Variants in TMEM272 observed in about 807,000 individuals in gnomAD.
The protein encoded by TMEM272 is long intergenic non-protein coding RNA 282.
In TMEM272, 8 loss-of-function variants were observed where a neutral mutation model predicts 3.7. The observed-to-expected ratio is 2.17, with a 90% CI of 1.27 to 3.91. The LOEUF (loss-of-function observed/expected upper bound fraction) is 3.91. Ranked by LOEUF, TMEM272 falls within the 30% of genes most tolerant of loss-of-function variation. TMEM272 has a pLI of 0.00. For missense variants in TMEM272, 166 were observed against 91.5 expected (o/e 1.81, Z -3.32); for synonymous variants, 63 against 39.8 (o/e 1.58, Z -2.20).
chr13:51,875,117 G>A, the TMEM272 span, among the ~76,000 whole-genome samples: 1 of 152,224 alleles, frequency 6.6e-6, no homozygotes, highest in Non-Finnish European at 1.5e-5. Flanking sequence ...GCTCATGTTG[G>A]TTGAGAGCTT....
chr13:51,840,196 C>T (rs984367480), intron 1 of TMEM272, among the ~76,000 whole-genome samples: 1 of 151,922 alleles, frequency 6.6e-6, no homozygotes, highest in Non-Finnish European at 1.5e-5. Flanking sequence ...GCCTTCAAAG[C>T]CCACAATCTC....
chr13:51,831,121 G>T (rs946658726), intron 2 of TMEM272, among the ~76,000 whole-genome samples: 13 of 152,136 alleles, frequency 8.5e-5, no homozygotes, highest in African/African-American at 3.1e-4. Context: ...CTGGAAATCT[G>T]CATTTAAAAG....
At chr13:51,932,163 A>C in the TMEM272 span, among the ~76,000 whole-genome samples, 1 of 151,324 alleles carries the variant, frequency 6.6e-6, no homozygotes, top group Admixed American at 6.6e-5. Flanking sequence ...TACACTGTCA[A>C]CTCCCTTCAG....
chr13:51,922,118 G>T, the TMEM272 span, among the ~76,000 whole-genome samples: 1 of 152,188 alleles, frequency 6.6e-6, no homozygotes, highest in African/African-American at 2.4e-5. Context: ...TGGAGATGGC[G>T]TATCAGTTCA....
At chr13:51,910,083 G>A in the TMEM272 span, 8 of 1,136,174 alleles carry the variant, frequency 7.0e-6, no homozygotes, top group Non-Finnish European at 1.1e-5. Context: ...GAGGGATTTT[G>A]ACTCATCTTC....
At chr13:51,886,572 G>A in the TMEM272 span, among the ~76,000 whole-genome samples, 180 of 152,284 alleles carry the variant, frequency 1.2e-3, 1 homozygote, top group African/African-American at 4.2e-3. Context: ...CCTCTCCACT[G>A]TTGGTGTCTT....
the TMEM272 span, among the ~76,000 whole-genome samples, chr13:51,893,459 A>C: frequency 3.3e-5 from 5 of 152,298 alleles, no homozygotes; most frequent in African/African-American, 1.2e-4. Flanking sequence ...TAGCTTCACC[A>C]GGACCTGCTG....
chr13:51,896,242 G>A, the TMEM272 span, among the ~76,000 whole-genome samples: 1 of 152,176 alleles, frequency 6.6e-6, no homozygotes, highest in African/African-American at 2.4e-5. Context: ...GCTCCTTCTA[G>A]CTGTGCCATC....
chr13:51,901,766 C>T, the TMEM272 span, among the ~76,000 whole-genome samples: 1 of 152,098 alleles, frequency 6.6e-6, no homozygotes, highest in Non-Finnish European at 1.5e-5. Flanking sequence ...CTTTATCAGC[C>T]TCCTCCCACA....
At chr13:51,905,166 G>A in the TMEM272 span, among the ~76,000 whole-genome samples, 1 of 152,230 alleles carries the variant, frequency 6.6e-6, no homozygotes, top group African/African-American at 2.4e-5. Context: ...ACGGCCCTAA[G>A]CAGGAGAAGA....
At chr13:51,843,474 A>C (rs1037138001) in intron 1 of TMEM272, among the ~76,000 whole-genome samples, 1 of 152,226 alleles carries the variant, frequency 6.6e-6, no homozygotes, top group Non-Finnish European at 1.5e-5. Context: ...CCAATAGAGC[A>C]AATACATACT....
At chr13:51,914,919 T>A in the TMEM272 span, among the ~76,000 whole-genome samples, 2 of 152,216 alleles carry the variant, frequency 1.3e-5, no homozygotes, top group Non-Finnish European at 2.9e-5. Context: ...AATTACTCTG[T>A]CAAGAATCGA....
At chr13:51,869,934 C>A in the TMEM272 span, among the ~76,000 whole-genome samples, 2 of 152,200 alleles carry the variant, frequency 1.3e-5, no homozygotes, top group Non-Finnish European at 2.9e-5. Flanking sequence ...AGGTTCGGAT[C>A]CTTCCGAGGT....
the TMEM272 span, among the ~76,000 whole-genome samples, chr13:51,903,372 C>G: frequency 2.0e-5 from 3 of 152,114 alleles, no homozygotes; most frequent in Non-Finnish European, 4.4e-5. Context: ...CAATAAGACA[C>G]TTCATAACTC....
the TMEM272 span, among the ~76,000 whole-genome samples, chr13:51,859,509 C>CACACACACAA: frequency 7.7e-6 from 1 of 129,052 alleles, no homozygotes; most frequent in East Asian, 2.1e-4. Context: ...CAACCAAACA[C>CACACACACAA]ACACACACAC....
chr13:51,865,309 T>C, the TMEM272 span: 6 of 1,303,782 alleles, frequency 4.6e-6, no homozygotes, highest in Non-Finnish European at 6.4e-6. Context: ...CTCATAGATC[T>C]GTCTTTTCTG....
chr13:51,871,866 T>C, the TMEM272 span, among the ~76,000 whole-genome samples: 1 of 144,054 alleles, frequency 6.9e-6, no homozygotes, highest in Non-Finnish European at 1.5e-5. Context: ...CCAGAGGCTT[T>C]CCAGCCTTCC....
At chr13:51,890,938 A>G in the TMEM272 span, among the ~76,000 whole-genome samples, 1 of 152,222 alleles carries the variant, frequency 6.6e-6, no homozygotes, top group Non-Finnish European at 1.5e-5. Flanking sequence ...CAATTTGTTG[A>G]ACTTTTGTTT....
intron 3 of TMEM272, among the ~76,000 whole-genome samples, chr13:51,822,382 CGCT>C (rs2139555005): frequency 6.6e-6 from 1 of 152,256 alleles, no homozygotes. Flanking sequence ...GACCAGGTGT[CGCT>C]GCACCTTTTT....
Sources: gnomAD v4.1 joint callset for allele counts (sites outside exome capture counted in the v4.1 genomes callset) on GRCh38, gnomAD v4.1.1 for gene constraint, MANE v1.5 for transcripts, NCBI Gene and HGNC (gene_info 2026-07-23, HGNC 2026-07-21) for gene names.